Variants in REC114 observed in about 807,000 individuals in gnomAD.
The protein encoded by REC114 is meiotic recombination protein REC114.
Under a neutral mutation model 31.3 loss-of-function variants are expected in REC114, and 27 were observed. The ratio of observed to expected loss-of-function variants is 0.86; its 90% confidence interval spans 0.64 to 1.19. REC114 has a LOEUF of 1.19. Among genes scored for constraint, REC114 ranks in the 50% most tolerant of loss-of-function variants. REC114 has a pLI of 0.00. For missense variants in REC114, 344 were observed against 326.9 expected, an observed-to-expected ratio of 1.05 and a Z score of -0.40; for synonymous variants, 134 against 127.7, an observed-to-expected ratio of 1.05 and a Z score of -0.33.
intron 5 of REC114, among the ~76,000 whole-genome samples, chr15:73,559,143 G>A (rs899107262): frequency 2.6e-5 from 4 of 152,308 alleles, no homozygotes; most frequent in South Asian, 2.1e-4. Flanking sequence ...AGGGTTTGAC[G>A]GTAATGGTTA....
Position 73,534,211 on chromosome 15 carries a change from G to A in REC114, c.250-6274G>A, listed in dbSNP as rs564464807. ...TCAGAGCAGAACTGAAGGAAATAGAGATACAAAAAACCCTTCAAAAAATTA... is the reference window on the plus strand; with the variant it reads ...TCAGAGCAGAACTGAAGGAAATAGAAATACAAAAAACCCTTCAAAAAATTA... On this transcript the variant is annotated intron_variant, in intron 2 of 5. Coordinates refer to ENST00000331090, the MANE Select transcript of REC114 (RefSeq NM_001042367.2). Among the ~76,000 whole-genome samples the A allele has an allele frequency of 1.2e-4, 19 of 152,044 alleles. No individual in the cohort carries two copies. In the South Asian group the frequency reaches 4.0e-3, roughly 32 times the overall value.
At chr15:73,469,619 C>G (rs1893106144) in intron 1 of REC114, among the ~76,000 whole-genome samples, 1 of 150,074 alleles carries the variant, frequency 6.7e-6, no homozygotes, top group Non-Finnish European at 1.5e-5. Context: ...CTGTAGAGAT[C>G]AAGTCTTGCC....
rs550703206 is a variant in REC114, at chr15:73,501,268, T to C, written c.249+27347T>C. Among the ~76,000 whole-genome samples, 89 of 152,366 alleles carry C rather than the reference T, an allele frequency of 5.8e-4. 1 individual carries two copies. The South Asian group carries it at 0.014, about 24-fold the overall frequency. The stretch of plus-strand genomic sequence containing the variant: ...CTAAAGTTTAAAAGAAACAAGTTTT[T>C]ATTACATGTAGTGTGGAAACGTGTA... On this transcript the variant is annotated intron_variant, in intron 2 of 5. Transcript: ENST00000331090.
chr15:73,500,728 GT>G (rs58043618), intron 2 of REC114, among the ~76,000 whole-genome samples: 14,769 of 103,546 alleles, frequency 0.14, 987 homozygotes, highest in East Asian at 0.3. Flanking sequence ...TTCAATTATT[GT>G]TTTTTTTTTT....
At chr15:73,546,558 T>A (rs183135493) in intron 3 of REC114, among the ~76,000 whole-genome samples, 11,093 of 143,406 alleles carry the variant, frequency 0.077, 516 homozygotes, top group African/African-American at 0.14. Flanking sequence ...AAATTAAAAA[T>A]TATGTTATAG....
intron 2 of REC114, among the ~76,000 whole-genome samples, chr15:73,494,388 A>G (rs1467578757): frequency 1.3e-5 from 2 of 151,482 alleles, no homozygotes; most frequent in Non-Finnish European, 2.9e-5. Context: ...GCTACTTGGG[A>G]GGCTGAGGCA....
rs141671389 is a variant in REC114, at chr15:73,520,235, T to TTTTG, written c.250-20234_250-20231dup. ...TCTCTTTTTTTTTTCGTTTTGGGTTTTTTGTTTGTTTGTTTGTTTTGAGAT... is the reference window on the plus strand; with the variant it reads ...TCTCTTTTTTTTTTCGTTTTGGGTTTTTTGTTTGTTTGTTTGTTTGTTTTGAGAT... On this transcript the variant is annotated intron_variant, in intron 2 of 5. Coordinates refer to ENST00000331090, the MANE Select transcript of REC114 (RefSeq NM_001042367.2). Among the ~76,000 whole-genome samples, 850 of 152,072 alleles carry TTTTG rather than the reference T, an allele frequency of 5.6e-3. 6 individuals carry two copies. The highest frequency in any genetic ancestry group is 0.02 in the African/African-American group (809 of 41,440).
At chr15:73,472,747 G>A (rs16957928) in intron 1 of REC114, among the ~76,000 whole-genome samples, 5,635 of 151,858 alleles carry the variant, frequency 0.037, 155 homozygotes, top group African/African-American at 0.078. Context: ...TAATTTCTTC[G>A]GTTCCTCACT....
intron 1 of REC114, among the ~76,000 whole-genome samples, chr15:73,451,021 C>T (rs756637806): frequency 6.6e-6 from 1 of 152,072 alleles, no homozygotes; most frequent in Non-Finnish European, 1.5e-5. Context: ...TAAATGCCCA[C>T]AAGAGAAAGC....
intron 2 of REC114, among the ~76,000 whole-genome samples, chr15:73,518,018 A>C (rs1421227698): frequency 6.6e-6 from 1 of 152,262 alleles, no homozygotes; most frequent in Non-Finnish European, 1.5e-5. Context: ...AACTATGTTG[A>C]ATATTGCCGA....
At chr15:73,510,380 G>C (rs1261525793) in intron 2 of REC114, among the ~76,000 whole-genome samples, 3 of 152,040 alleles carry the variant, frequency 2.0e-5, no homozygotes, top group Admixed American at 1.3e-4. Flanking sequence ...CAATCATGTC[G>C]TCTGCAAACA....
At chr15:73,531,893 C>T (rs1277427141) in intron 2 of REC114, among the ~76,000 whole-genome samples, 4 of 152,072 alleles carry the variant, frequency 2.6e-5, no homozygotes, top group African/African-American at 9.7e-5. Flanking sequence ...TCTTAGCTTC[C>T]ACATTACTCT....
intron 1 of REC114, among the ~76,000 whole-genome samples, chr15:73,453,088 CT>C (rs1892872344): frequency 6.6e-6 from 1 of 152,148 alleles, no homozygotes; most frequent in African/African-American, 2.4e-5. Flanking sequence ...GACTTCATGA[CT>C]AAAACACCAA....
At chr15:73,532,437 G>A (rs1404160540) in intron 2 of REC114, among the ~76,000 whole-genome samples, 1 of 151,238 alleles carries the variant, frequency 6.6e-6, no homozygotes, top group Non-Finnish European at 1.5e-5. Context: ...TAGTGCCACA[G>A]TAAACATACG....
intron 1 of REC114, among the ~76,000 whole-genome samples, chr15:73,470,339 T>C (rs1893117322): frequency 6.6e-6 from 1 of 152,218 alleles, no homozygotes; most frequent in Non-Finnish European, 1.5e-5. Context: ...TAATTATTAT[T>C]TCCTGCACTC....
At chr15:73,536,642 A>C (rs1479354678) in intron 2 of REC114, among the ~76,000 whole-genome samples, 1 of 152,220 alleles carries the variant, frequency 6.6e-6, no homozygotes, top group African/African-American at 2.4e-5. Flanking sequence ...TTTCACAGCA[A>C]GGCAGATCAG....
Position 73,559,825 on chromosome 15 carries a change from T to TCCTACGTTTGTGCCTTATGGATCA in REC114, c.711_734dup (p.Asp244_Gln245insHisLeuArgLeuCysLeuMetAsp). 1.9e-6 allele frequency: 3 copies of TCCTACGTTTGTGCCTTATGGATCA among 1,612,936 alleles called. No homozygotes were observed. The highest frequency in any genetic ancestry group is 2.5e-6 in the Non-Finnish European group (3 of 1,179,500). ...TGGGGTGCAGAAGAGTTAGGCCCCT[T>TCCTACGTTTGTGCCTTATGGATCA]CCTACGTTTGTGCCTTATGGATCAG... is the stretch of plus-strand genomic sequence containing the variant. On this transcript the variant is annotated inframe_insertion, in exon 6 of 6. Transcript: ENST00000331090.
chr15:73,521,013 G>A (rs1893929687), intron 2 of REC114, among the ~76,000 whole-genome samples: 1 of 152,194 alleles, frequency 6.6e-6, no homozygotes, highest in Non-Finnish European at 1.5e-5. Flanking sequence ...AGGAAGTGCT[G>A]TGACAAAGGT....
intron 2 of REC114, among the ~76,000 whole-genome samples, chr15:73,530,805 T>G (rs1894069453): frequency 6.6e-6 from 1 of 151,804 alleles, no homozygotes; most frequent in Non-Finnish European, 1.5e-5. Flanking sequence ...TCCAGGATAG[T>G]GAGTCAGAAA....
Sources: allele counts gnomAD v4.1 joint callset (sites outside exome capture counted in the v4.1 genomes callset), GRCh38; gene constraint gnomAD v4.1.1; transcripts MANE v1.5; gene names NCBI Gene and HGNC (gene_info 2026-07-23, HGNC 2026-07-21).